The following CADPS2 variants were observed in gnomAD, a reference collection of about 807,000 sequenced individuals.
The protein encoded by CADPS2 is calcium dependent secretion activator 2.
CADPS2 carries 93 observed loss-of-function variants against 172.5 expected under a neutral mutation model. That is an observed-to-expected ratio of 0.54 (90% CI 0.46 to 0.64). The LOEUF (loss-of-function observed/expected upper bound fraction) is 0.64, where lower values mean the gene tolerates loss of function less well. Among genes scored for constraint, CADPS2 ranks in the 30% least tolerant of loss-of-function variants. The probability of loss-of-function intolerance (pLI) is 0.00; values close to 1 mark genes in which losing one functional copy is unlikely to be tolerated. For missense variants in CADPS2, 1,420 were observed against 1,565.9 expected (o/e 0.91, Z 1.57); for synonymous variants, 546 against 555.2 (o/e 0.98, Z 0.23).
At chr7:122,471,712 A>C (rs2055972410) in intron 13 of CADPS2, 150 bp from the exon 14 acceptor site, 3 of 671,070 alleles carry the variant, frequency 4.5e-6, no homozygotes, top group Non-Finnish European at 7.1e-6. Flanking sequence ...TGAAGAGCTA[A>C]TGTCATCAAT....
At chr7:122,574,468 A>AAAAAAAT (rs2067709661) in intron 7 of CADPS2, among the ~76,000 whole-genome samples, 1 of 147,216 alleles carries the variant, frequency 6.8e-6, no homozygotes. Flanking sequence ...AAAAAAAAAA[A>AAAAAAAT]GTATATTTCT....
rs796626787 is a variant in CADPS2 at position 122,352,666 on chromosome 7, G to A, written c.3505-6985C>T. Among the ~76,000 whole-genome samples, 52 of 152,274 alleles carry A rather than the reference G, an allele frequency of 3.4e-4. 1 individual carries two copies. The highest frequency in any genetic ancestry group is 2.7e-3 in the Admixed American group (41 of 15,306). On this transcript the variant is annotated intron_variant, in intron 27 of 29. Transcript: ENST00000449022. ...CCTGTGGGCAAGAGCTCCATTCCCC[G>A]AGTTCTGTCTGGCTCTCATGCTGAT...
chr7:122,862,674 A>G (rs542798533), intron 1 of CADPS2, among the ~76,000 whole-genome samples: 2 of 152,146 alleles, frequency 1.3e-5, no homozygotes, highest in Admixed American at 6.5e-5. Flanking sequence ...GAGTGTGACA[A>G]CTATTTTTTG....
intron 14 of CADPS2, among the ~76,000 whole-genome samples, chr7:122,455,461 T>C (rs954300739): frequency 1.1e-4 from 16 of 152,030 alleles, no homozygotes; most frequent in African/African-American, 3.1e-4. Context: ...TACATATGGC[T>C]GCCATCTAAC....
chr7:122,777,515 C>T (rs185838370), intron 1 of CADPS2, among the ~76,000 whole-genome samples: 1 of 151,460 alleles, frequency 6.6e-6, no homozygotes, highest in Admixed American at 6.6e-5. Flanking sequence ...GTGACTGATA[C>T]AGTTTGGCTA....
chr7:122,689,855 C>T (rs1305436388), intron 2 of CADPS2, among the ~76,000 whole-genome samples: 2 of 152,184 alleles, frequency 1.3e-5, no homozygotes, highest in Admixed American at 1.3e-4. Flanking sequence ...AATGGGGGCA[C>T]CACGTGTTCT....
intron 1 of CADPS2, among the ~76,000 whole-genome samples, chr7:122,759,754 T>C (rs1453373402): frequency 6.6e-6 from 1 of 152,198 alleles, no homozygotes; most frequent in Non-Finnish European, 1.5e-5. Flanking sequence ...ATTGTCACCA[T>C]TTCTGAAGAA....
At chr7:122,467,067 A>G (rs879459553) in intron 14 of CADPS2, among the ~76,000 whole-genome samples, 2 of 152,188 alleles carry the variant, frequency 1.3e-5, no homozygotes, top group Non-Finnish European at 2.9e-5. Flanking sequence ...TGATAAAATA[A>G]AAAAACTCCT....
chr7:122,626,181 C>G (rs986044697), intron 4 of CADPS2, among the ~76,000 whole-genome samples: 2 of 151,974 alleles, frequency 1.3e-5, no homozygotes, highest in Admixed American at 6.6e-5. Flanking sequence ...AGGAACTTTT[C>G]TTTTTTTCTC....
rs1414166955 is a variant in CADPS2 at position 122,359,651 on chromosome 7, A to AT, written c.3504+1136dup. Among the ~76,000 whole-genome samples the AT allele has an allele frequency of 2.0e-5, 3 of 152,052 alleles. No homozygotes were observed. In the East Asian group the frequency reaches 5.8e-4, roughly 29 times the overall value. ...ATATCAAACATAAAATCTCCCCTTA[A>AT]TTCTCCCTTTCATGCTGCTGCTTTG... On this transcript the variant is annotated intron_variant, in intron 27 of 29. Coordinates refer to ENST00000449022, the MANE Select transcript of CADPS2 (RefSeq NM_017954.11).
intron 1 of CADPS2, among the ~76,000 whole-genome samples, chr7:122,763,083 A>G (rs1203531903): frequency 6.6e-6 from 1 of 152,160 alleles, no homozygotes; most frequent in Admixed American, 6.6e-5. Flanking sequence ...GGCTGTGTTA[A>G]CAGGCCTTTG....
At chr7:122,376,808 T>C (rs2042418926) in intron 25 of CADPS2, among the ~76,000 whole-genome samples, 1 of 152,150 alleles carries the variant, frequency 6.6e-6, no homozygotes, top group African/African-American at 2.4e-5. Flanking sequence ...TTTATGATTA[T>C]AAACTTATAT....
intron 12 of CADPS2, among the ~76,000 whole-genome samples, chr7:122,475,296 C>T (rs1025117050): frequency 5.3e-5 from 8 of 152,270 alleles, no homozygotes; most frequent in Admixed American, 5.2e-4. Context: ...CAAAGGAGTG[C>T]TGGGGTGTTA....
intron 15 of CADPS2, among the ~76,000 whole-genome samples, chr7:122,450,187 A>C (rs1363034173): frequency 6.6e-6 from 1 of 152,184 alleles, no homozygotes; most frequent in Non-Finnish European, 1.5e-5. Flanking sequence ...ATATTCACTA[A>C]GTTTATTTTT....
At chr7:122,817,886 C>T (rs1376850850) in intron 1 of CADPS2, among the ~76,000 whole-genome samples, 3 of 151,582 alleles carry the variant, frequency 2.0e-5, no homozygotes, top group South Asian at 2.1e-4. Flanking sequence ...ATCTCTGCGC[C>T]CCAATCCCTT....
chr7:122,817,332 G>C (rs1801766727), intron 1 of CADPS2, among the ~76,000 whole-genome samples: 1 of 152,118 alleles, frequency 6.6e-6, no homozygotes, highest in South Asian at 2.1e-4. Context: ...CAGGTAAGCG[G>C]CCTCTTCTTA....
intron 2 of CADPS2, among the ~76,000 whole-genome samples, chr7:122,673,995 G>T (rs963866946): frequency 5.9e-5 from 9 of 152,180 alleles, no homozygotes; most frequent in Non-Finnish European, 1.2e-4. Context: ...CTGAGGCCCA[G>T]TGAGAACTCC....
At chr7:122,645,193 C>T (rs557155200) in intron 3 of CADPS2, among the ~76,000 whole-genome samples, 101 of 146,058 alleles carry the variant, frequency 6.9e-4, no homozygotes, top group African/African-American at 2.0e-3. Context: ...TATATATATA[C>T]ACATATATGT....
At chr7:122,810,139 T>G (rs572584620) in intron 1 of CADPS2, among the ~76,000 whole-genome samples, 1 of 152,222 alleles carries the variant, frequency 6.6e-6, no homozygotes, top group East Asian at 1.9e-4. Flanking sequence ...TGAAACTAGG[T>G]TTGGAAAATG....
Sources: allele counts gnomAD v4.1 joint callset (sites outside exome capture counted in the v4.1 genomes callset), GRCh38; gene constraint gnomAD v4.1.1; transcripts MANE v1.5; gene names NCBI Gene and HGNC (gene_info 2026-07-23, HGNC 2026-07-21).